The following MEGF10 variants were observed in gnomAD, a reference collection of about 807,000 sequenced individuals.
The protein encoded by MEGF10 is multiple epidermal growth factor-like domains protein 10.
In MEGF10, 86 loss-of-function variants were observed where a neutral mutation model predicts 147.5. The observed-to-expected ratio is 0.58, with a 90% CI of 0.49 to 0.70. MEGF10 has a LOEUF of 0.70. MEGF10 is among the 30% of genes least tolerant of loss of function. The pLI is 0.00. For missense variants in MEGF10, 1,329 were observed against 1,487.3 expected (o/e 0.89, Z 1.75); for synonymous variants, 478 against 525.5 (o/e 0.91, Z 1.24).
intron 4 of MEGF10, among the ~76,000 whole-genome samples, chr5:127,359,882 T>C (rs1222413984): frequency 1.3e-5 from 2 of 152,166 alleles, no homozygotes; most frequent in Non-Finnish European, 2.9e-5. Flanking sequence ...TTCATTTCTC[T>C]TGGGTAATAC....
chr5:127,444,243 G>T (rs1765858874), intron 19 of MEGF10, among the ~76,000 whole-genome samples: 1 of 152,204 alleles, frequency 6.6e-6, no homozygotes, highest in South Asian at 2.1e-4. Flanking sequence ...CACTGTTGTA[G>T]ATGGAGTAAT....
At chr5:127,359,569 GCTTT>G (rs1241581727) in intron 4 of MEGF10, among the ~76,000 whole-genome samples, 1 of 151,978 alleles carries the variant, frequency 6.6e-6, no homozygotes, top group African/African-American at 2.4e-5. Flanking sequence ...CCATTGATCA[GCTTT>G]CTGTCACTCT....
intron 10 of MEGF10, 95 bp from the exon 11 acceptor site, chr5:127,419,025 A>G: frequency 7.3e-7 from 1 of 1,375,768 alleles, no homozygotes; most frequent in Non-Finnish European, 9.9e-7. Context: ...GAGAGGAAGT[A>G]TAATTAGCAT....
In MEGF10 at chr5:127,455,475, A is replaced by G. The variant is rs771745480; in HGVS notation, c.3100A>G (p.Lys1034Glu). ...SSSENPYATI[K>E]DPPVLIPKSS... ...TTCTGAGAACCCATATGCCACTATT[A>G]AAGACCCACCTGTACTTATCCCGAA... The change falls in exon 24 of 25, where the codon AAA (lysine) becomes GAA (glutamate). Residue 1034 changes from lysine to glutamate, a missense_variant. Lys to Glu is a moderately conservative substitution (Grantham distance 56, BLOSUM62 1). Coordinates refer to ENST00000503335, the MANE Select transcript of MEGF10 (RefSeq NM_001256545.2). The G allele has an allele frequency of 6.2e-7, 1 of 1,614,134 alleles. No individual in the cohort carries two copies. Among genetic ancestry groups the G allele is most frequent in the East Asian group, 2.2e-5 (1 of 44,864 alleles).
At chr5:127,391,100 G>GCACACA (rs1173924866) in intron 5 of MEGF10, among the ~76,000 whole-genome samples, 817 of 40,004 alleles carry the variant, frequency 0.02, 7 homozygotes, top group African/African-American at 0.037. Context: ...GCGCGCGCGC[G>GCACACA]CGCACACACA....
intron 21 of MEGF10, among the ~76,000 whole-genome samples, chr5:127,448,443 C>A (rs1197770183): frequency 6.6e-6 from 1 of 152,142 alleles, no homozygotes; most frequent in African/African-American, 2.4e-5. Context: ...CCCCACAATG[C>A]TCTGAAGTCT....
chr5:127,259,455 T>C, the MEGF10 span, among the ~76,000 whole-genome samples: 1 of 152,156 alleles, frequency 6.6e-6, no homozygotes, highest in Non-Finnish European at 1.5e-5. Flanking sequence ...GAGAGTGTGG[T>C]CTCAGGACAT....
chr5:127,375,078 T>G (rs1203844049), intron 5 of MEGF10, among the ~76,000 whole-genome samples: 1 of 152,208 alleles, frequency 6.6e-6, no homozygotes, highest in Admixed American at 6.5e-5. Context: ...CAGACCTAGG[T>G]GTTCCCTCCC....
intron 13 of MEGF10, among the ~76,000 whole-genome samples, chr5:127,425,487 T>C (rs1379725703): frequency 6.6e-6 from 1 of 152,168 alleles, no homozygotes; most frequent in Non-Finnish European, 1.5e-5. Context: ...TAAGCATCTG[T>C]CAGTATCTAA....
intron 5 of MEGF10, among the ~76,000 whole-genome samples, chr5:127,386,663 G>A (rs1030865754): frequency 4.6e-5 from 7 of 152,112 alleles, no homozygotes; most frequent in African/African-American, 1.7e-4. Flanking sequence ...GAGTTACTGG[G>A]CAATTTCGTT....
At chr5:127,345,817 C>T (rs1429895807) in intron 4 of MEGF10, among the ~76,000 whole-genome samples, 1 of 152,056 alleles carries the variant, frequency 6.6e-6, no homozygotes. Flanking sequence ...TACACTGTAC[C>T]CAACGTCTAG....
the MEGF10 span, among the ~76,000 whole-genome samples, chr5:127,270,297 A>G: frequency 5.3e-5 from 8 of 152,198 alleles, no homozygotes; most frequent in Admixed American, 2.6e-4. Context: ...CAAATTGGAT[A>G]AAGAGTCAAG....
intron 21 of MEGF10, 73 bp downstream of exon 21, chr5:127,447,757 C>A: frequency 1.3e-6 from 2 of 1,578,774 alleles, no homozygotes; most frequent in Non-Finnish European, 1.7e-6. Flanking sequence ...TATTGAGGGC[C>A]GCTGTTCACC....
intron 1 of MEGF10, among the ~76,000 whole-genome samples, chr5:127,303,406 C>T (rs11960294): frequency 0.031 from 4,661 of 149,850 alleles, 238 homozygotes; most frequent in African/African-American, 0.11. Flanking sequence ...GTCCTGGAAA[C>T]CCGGCTGCCA....
At chr5:127,309,798 G>A (rs931456506) in intron 1 of MEGF10, among the ~76,000 whole-genome samples, 3 of 151,582 alleles carry the variant, frequency 2.0e-5, no homozygotes, top group Admixed American at 6.6e-5. Context: ...TCTTTTTTGG[G>A]TATATATACC....
chr5:127,408,220 A>G (rs1173241354), intron 8 of MEGF10, among the ~76,000 whole-genome samples: 1 of 152,256 alleles, frequency 6.6e-6, no homozygotes, highest in Non-Finnish European at 1.5e-5. Context: ...ACTTTCAACC[A>G]CTTTTAAAGC....
At chr5:127,247,505 GAAGT>G in the MEGF10 span, among the ~76,000 whole-genome samples, 1 of 149,536 alleles carries the variant, frequency 6.7e-6, no homozygotes, top group Non-Finnish European at 1.5e-5. Context: ...AAGAATCTAT[GAAGT>G]AAGACAGAAG....
chr5:127,368,401 T>G (rs1314665583), intron 4 of MEGF10, among the ~76,000 whole-genome samples: 1 of 152,224 alleles, frequency 6.6e-6, no homozygotes, highest in African/African-American at 2.4e-5. Flanking sequence ...AGAGAGCTTG[T>G]GTTTTCCAAA....
chr5:127,329,638 G>A (rs1199130677), intron 1 of MEGF10, among the ~76,000 whole-genome samples: 1 of 151,966 alleles, frequency 6.6e-6, no homozygotes, highest in African/African-American at 2.4e-5. Context: ...TGGAAAATGA[G>A]TATAACTTCT....
Sources: allele counts gnomAD v4.1 joint callset (sites outside exome capture counted in the v4.1 genomes callset), GRCh38; gene constraint gnomAD v4.1.1; transcripts MANE v1.5; gene names NCBI Gene and HGNC (gene_info 2026-07-23, HGNC 2026-07-21).